DACH1: variants seen among roughly 807,000 people sequenced by gnomAD.
The protein encoded by DACH1 is dachshund family transcription factor 1, also known as dachshund homolog 1.
In DACH1, 12 loss-of-function variants were observed where a neutral mutation model predicts 54.2. The observed-to-expected ratio is 0.22, with a 90% confidence interval of 0.14 to 0.36. DACH1 has a LOEUF of 0.36. Ranked by LOEUF, DACH1 falls within the 10% of genes least tolerant of loss-of-function variation. DACH1 has a pLI of 1.00. For synonymous variants in DACH1, 386 were observed against 366.2 expected, an observed-to-expected ratio of 1.05 and a Z score of -0.62; for missense variants, 805 against 929.8, an observed-to-expected ratio of 0.87 and a Z score of 1.75.
At chr13:71,834,612 C>A (rs1888711776) in intron 1 of DACH1, among the ~76,000 whole-genome samples, 1 of 151,998 alleles carries the variant, frequency 6.6e-6, no homozygotes, top group Admixed American at 6.6e-5. Flanking sequence ...GGCTCTGTTG[C>A]CTCGCCGCAC....
intron 10 of DACH1, among the ~76,000 whole-genome samples, chr13:71,471,397 AT>A (rs1433235295): frequency 1.3e-5 from 2 of 152,060 alleles, no homozygotes; most frequent in Non-Finnish European, 2.9e-5. Context: ...GGATATTATT[AT>A]CTGGAGCTCT....
At chr13:71,796,937 C>G (rs2138111316) in intron 1 of DACH1, among the ~76,000 whole-genome samples, 1 of 151,930 alleles carries the variant, frequency 6.6e-6, no homozygotes, top group African/African-American at 2.4e-5. Flanking sequence ...AAAATAGAAA[C>G]CAGCTATTAT....
chr13:71,655,192 C>G (rs1382004921), intron 2 of DACH1, among the ~76,000 whole-genome samples: 1 of 152,022 alleles, frequency 6.6e-6, no homozygotes, highest in African/African-American at 2.4e-5. Flanking sequence ...AATGACTGCC[C>G]CACTCATTTG....
chr13:71,580,046 C>T (rs998958556), intron 3 of DACH1, among the ~76,000 whole-genome samples: 1 of 151,956 alleles, frequency 6.6e-6, no homozygotes, highest in Non-Finnish European at 1.5e-5. Flanking sequence ...TAAGCAAGAG[C>T]CAAATGTTGC....
At chr13:71,499,136 GACACAC>G (rs3075798) in intron 6 of DACH1, among the ~76,000 whole-genome samples, 3 of 149,198 alleles carry the variant, frequency 2.0e-5, no homozygotes, top group Non-Finnish European at 4.5e-5. Flanking sequence ...CACACACGCA[GACACAC>G]ACACACACAC....
intron 1 of DACH1, among the ~76,000 whole-genome samples, chr13:71,744,637 T>C (rs770456783): frequency 2.6e-5 from 4 of 152,204 alleles, no homozygotes; most frequent in East Asian, 3.9e-4. Context: ...GCTAAGAATA[T>C]GCAATCACAT....
intron 4 of DACH1, among the ~76,000 whole-genome samples, chr13:71,572,537 C>T (rs566845769): frequency 5.2e-4 from 79 of 152,084 alleles, no homozygotes; most frequent in Non-Finnish European, 9.4e-4. Context: ...CACATAAATG[C>T]TCATAACACC....
At chr13:71,635,238 C>G (rs1877395392) in intron 2 of DACH1, among the ~76,000 whole-genome samples, 1 of 152,128 alleles carries the variant, frequency 6.6e-6, no homozygotes, top group African/African-American at 2.4e-5. Context: ...ATCTCATTAA[C>G]TTAATATAAA....
chr13:71,447,971 C>G (rs1375289717), intron 10 of DACH1, among the ~76,000 whole-genome samples: 1 of 152,156 alleles, frequency 6.6e-6, no homozygotes, highest in Non-Finnish European at 1.5e-5. Context: ...TGGAAGGTAT[C>G]ACACAATATG....
At chr13:71,816,577 T>G (rs1248453276) in intron 1 of DACH1, among the ~76,000 whole-genome samples, 1 of 141,346 alleles carries the variant, frequency 7.1e-6, no homozygotes, top group Non-Finnish European at 1.5e-5. Flanking sequence ...TGTATATATA[T>G]ACACGTATAT....
intron 1 of DACH1, among the ~76,000 whole-genome samples, chr13:71,704,879 C>T (rs1054313939): frequency 2.6e-5 from 4 of 151,936 alleles, no homozygotes; most frequent in African/African-American, 4.8e-5. Context: ...GGCTAGAAAT[C>T]GGCCAGATAC....
Position 71,866,511 on chromosome 13 carries a change from C to G in DACH1, c.259G>C (p.Gly87Arg). 1 of 1,215,150 alleles carries G rather than the reference C, an allele frequency of 8.2e-7. No individual in the cohort carries two copies. The highest frequency in any genetic ancestry group is 1.0e-6 in the Non-Finnish European group (1 of 981,268). The allele number at this position is 1,215,150 out of a possible 1,614,324, so 75.3% of individuals were successfully genotyped here. A position where few individuals can be genotyped will look rare whatever the true frequency, so the allele number is the denominator to read the frequency against. ...CCGCCGCCTCCGTTGCCGCTGCTGCCGCCGCCGCCTCCGCTGCCGCCGCCG... is the reference window on the plus strand; with the variant it reads ...CCGCCGCCTCCGTTGCCGCTGCTGCGGCCGCCGCCTCCGCTGCCGCCGCCG... ...GGGGGSGGGG[G>R]SSGNGGGGGG... Residue 87 changes from glycine to arginine, a missense_variant, in exon 1 of 11, where the codon GGC (glycine) becomes CGC (arginine). Physicochemically the swap from Gly to Arg is moderately radical, Grantham distance 125. Transcript: ENST00000613252.
chr13:71,517,105 GATA>G (rs1023393588), intron 6 of DACH1, among the ~76,000 whole-genome samples: 1 of 151,700 alleles, frequency 6.6e-6, no homozygotes, highest in African/African-American at 2.4e-5. Context: ...ACTAGAAAGT[GATA>G]ATAATTTCTG....
chr13:71,752,339 T>G (rs1884963879), intron 1 of DACH1, among the ~76,000 whole-genome samples: 1 of 152,190 alleles, frequency 6.6e-6, no homozygotes, highest in Non-Finnish European at 1.5e-5. Context: ...CAAAGAACTA[T>G]AGTCTTGGTT....
chr13:71,698,141 G>C (rs187043563), intron 1 of DACH1, among the ~76,000 whole-genome samples: 2 of 152,014 alleles, frequency 1.3e-5, no homozygotes, highest in African/African-American at 4.8e-5. Context: ...ACAGTGAGCC[G>C]CGCCACTGCA....
At chr13:71,552,211 C>A (rs768246644) in intron 6 of DACH1, among the ~76,000 whole-genome samples, 2 of 152,084 alleles carry the variant, frequency 1.3e-5, no homozygotes, top group African/African-American at 4.8e-5. Flanking sequence ...ATTTGCATTT[C>A]ATTTCTTTTC....
intron 2 of DACH1, among the ~76,000 whole-genome samples, chr13:71,680,376 T>C (rs1472572681): frequency 6.6e-6 from 1 of 152,098 alleles, no homozygotes; most frequent in Admixed American, 6.6e-5. Context: ...CCAAGGCAGA[T>C]GGGTCACTTG....
chr13:71,801,764 CCACCCTTCAGGGTAAGGAGTTGTAATGAA>C (rs1192370719), intron 1 of DACH1, among the ~76,000 whole-genome samples: 1 of 151,850 alleles, frequency 6.6e-6, no homozygotes. Context: ...TCTTAACGTG[CCACCCTTCAGGGTAAGGAGTTGTAATGAA>C]CACCTTCCAG....
chr13:71,749,754 A>C (rs1445740050), intron 1 of DACH1, among the ~76,000 whole-genome samples: 2 of 152,138 alleles, frequency 1.3e-5, no homozygotes, highest in Non-Finnish European at 2.9e-5. Context: ...CATTCTGTGA[A>C]CCCGACTAAG....
Sources: gnomAD v4.1 joint callset for allele counts (sites outside exome capture counted in the v4.1 genomes callset) on GRCh38, gnomAD v4.1.1 for gene constraint, MANE v1.5 for transcripts, NCBI Gene and HGNC (gene_info 2026-07-23, HGNC 2026-07-21) for gene names.